EHBP1: variants seen among roughly 807,000 people sequenced by gnomAD.
The protein encoded by EHBP1 is EH domain binding protein 1.
A neutral mutation model predicts 144.0 loss-of-function variants in EHBP1; 55 were observed. The observed-to-expected ratio is 0.38, with a 90% confidence interval of 0.31 to 0.48. EHBP1 has a LOEUF of 0.48. Among genes scored for constraint, EHBP1 ranks in the 20% least tolerant of loss-of-function variants. The probability of loss-of-function intolerance (pLI) is 0.98; values close to 1 mark genes in which losing one functional copy is unlikely to be tolerated. For missense variants in EHBP1, 1,200 were observed against 1,364.2 expected, an observed-to-expected ratio of 0.88 and a Z score of 1.90; for synonymous variants, 469 against 472.7, an observed-to-expected ratio of 0.99 and a Z score of 0.10.
intron 1 of EHBP1, among the ~76,000 whole-genome samples, chr2:62,677,436 A>G (rs887013520): frequency 2.6e-5 from 4 of 152,192 alleles, no homozygotes; most frequent in Non-Finnish European, 5.9e-5. Flanking sequence ...TGCAGTGCAT[A>G]ATAATCACGT....
chr2:63,030,646 C>A (rs974193086), intron 19 of EHBP1, among the ~76,000 whole-genome samples: 13 of 151,898 alleles, frequency 8.6e-5, no homozygotes, highest in African/African-American at 3.1e-4. Context: ...CACCACCACA[C>A]CCAGCTAATT....
Position 62,986,159 on chromosome 2 carries a change from T to C in EHBP1, c.2609-4557T>C, listed in dbSNP as rs529767315. ...ATAGAATAATGCTGAGGAAGTATTC[T>C]GAACACTTTTTGACACACAGGAAAT... On this transcript the variant is annotated intron_variant, in intron 15 of 22. Transcript: ENST00000431489. Among the ~76,000 whole-genome samples the C allele has an allele frequency of 2.0e-5, 3 of 152,352 alleles. 1 individual carries two copies. The East Asian group carries it at 5.8e-4, about 29-fold the overall frequency.
chr2:62,928,879 A>C (rs2055754086), intron 10 of EHBP1, among the ~76,000 whole-genome samples: 1 of 151,932 alleles, frequency 6.6e-6, no homozygotes, highest in Non-Finnish European at 1.5e-5. Flanking sequence ...ACTTTAGTAA[A>C]ATTAGAAATT....
intron 4 of EHBP1, among the ~76,000 whole-genome samples, chr2:62,770,080 A>G (rs2152351409): frequency 6.6e-6 from 1 of 152,328 alleles, no homozygotes; most frequent in South Asian, 2.1e-4. Flanking sequence ...AGGACAACAT[A>G]GGCAATACCT....
At position 62,716,785 on chromosome 2, in the gene EHBP1, C is replaced by G. The variant is rs182229847; in HGVS notation, c.104+9490C>G. 1.6e-3 allele frequency among the ~76,000 whole-genome samples: 243 copies of G among 152,320 alleles called. 2 individuals carry two copies. The highest frequency in any genetic ancestry group is 5.7e-3 in the African/African-American group (236 of 41,560). On this transcript the variant is annotated intron_variant, in intron 2 of 22. Coordinates refer to ENST00000431489, the MANE Select transcript of EHBP1 (RefSeq NM_001142616.3). ...AGGTCCCTTTCCTCTTCCCGAGGCC[C>G]TTTGCTCCCCTGGCAACTGCCTGAA...
At chr2:62,945,881 A>G (rs2057033162) in intron 12 of EHBP1, among the ~76,000 whole-genome samples, 1 of 152,224 alleles carries the variant, frequency 6.6e-6, no homozygotes, top group Non-Finnish European at 1.5e-5. Context: ...AAAAATCAGT[A>G]TAGTTTTCTT....
intron 2 of EHBP1, among the ~76,000 whole-genome samples, chr2:62,730,224 T>G (rs2152016073): frequency 6.6e-6 from 1 of 152,240 alleles, no homozygotes; most frequent in Non-Finnish European, 1.5e-5. Context: ...CTTACATTAA[T>G]AATGACATGA....
chr2:62,815,031 T>C (rs2045335114), intron 5 of EHBP1, among the ~76,000 whole-genome samples: 1 of 152,082 alleles, frequency 6.6e-6, no homozygotes, highest in South Asian at 2.1e-4. Flanking sequence ...TCCAAAGACA[T>C]AAAACAATAA....
At chr2:63,016,050 ATTC>A (rs1559070039) in intron 19 of EHBP1, among the ~76,000 whole-genome samples, 2 of 152,186 alleles carry the variant, frequency 1.3e-5, no homozygotes, top group Non-Finnish European at 2.9e-5. Context: ...GAGTTACCCT[ATTC>A]TTCTCTACTA....
At chr2:62,906,103 C>G (rs1317689626) in intron 10 of EHBP1, among the ~76,000 whole-genome samples, 2 of 150,038 alleles carry the variant, frequency 1.3e-5, no homozygotes, top group African/African-American at 2.4e-5. Flanking sequence ...CTGTGACCCA[C>G]TTGGAGTTAA....
intron 10 of EHBP1, chr2:62,881,572 C>T (rs537999107): frequency 1.3e-5 from 2 of 152,164 alleles, no homozygotes; most frequent in African/African-American, 4.8e-5. Flanking sequence ...CTAAATCATC[C>T]TTTGACAAAT....
rs573434180 is a variant in EHBP1 at position 63,008,201 on chromosome 2, A to G, written c.3103+11435A>G. On this transcript the variant is annotated intron_variant, in intron 19 of 22. Coordinates refer to ENST00000431489, the MANE Select transcript of EHBP1 (RefSeq NM_001142616.3). Reference sequence around the variant, plus strand: ...AGCTAAAACATCCAGTGATAAGACTACTTAATAAATGTATTCTTTTAATTG... The same window carrying G: ...AGCTAAAACATCCAGTGATAAGACTGCTTAATAAATGTATTCTTTTAATTG... Among the ~76,000 whole-genome samples, 5 of 151,904 alleles carry G rather than the reference A, an allele frequency of 3.3e-5. No homozygotes were observed. The South Asian group carries it at 1.0e-3, about 31-fold the overall frequency.
chr2:62,813,966 C>T (rs2045253471), intron 5 of EHBP1, among the ~76,000 whole-genome samples: 1 of 152,126 alleles, frequency 6.6e-6, no homozygotes, highest in Non-Finnish European at 1.5e-5. Flanking sequence ...TTAGATGAGA[C>T]TCTAGACTTT....
chr2:62,933,627 C>G (rs1377103748), intron 10 of EHBP1, among the ~76,000 whole-genome samples: 2 of 152,070 alleles, frequency 1.3e-5, no homozygotes, highest in Non-Finnish European at 2.9e-5. Context: ...TGAAAAATAA[C>G]ATTTGTTAAT....
chr2:62,880,188 C>T (rs908172265), intron 10 of EHBP1, among the ~76,000 whole-genome samples: 2 of 152,072 alleles, frequency 1.3e-5, no homozygotes, highest in Admixed American at 1.3e-4. Flanking sequence ...GGACCCCTTC[C>T]TTTCACCACA....
intron 10 of EHBP1, among the ~76,000 whole-genome samples, chr2:62,886,770 C>T (rs2051967976): frequency 6.6e-6 from 1 of 152,130 alleles, no homozygotes. Context: ...TCCTACCTCC[C>T]CTGTACAAAG....
At chr2:62,709,112 G>A (rs979110962) in intron 2 of EHBP1, among the ~76,000 whole-genome samples, 5 of 152,166 alleles carry the variant, frequency 3.3e-5, no homozygotes, top group Admixed American at 3.3e-4. Flanking sequence ...AAGGTGACTG[G>A]AAGCAGCAAT....
At position 63,045,990 on chromosome 2, in the gene EHBP1, A is replaced by T. The variant is rs1022735043; in HGVS notation, c.*490A>T. 6.4e-6 allele frequency: 1 copy of T among 156,010 alleles called. No homozygotes were observed. The highest frequency in any genetic ancestry group is 1.9e-4 in the East Asian group (1 of 5,264). The allele number at this position is 156,010 out of a possible 1,614,324, so 9.7% of individuals were successfully genotyped here. On this transcript the variant is annotated 3_prime_UTR_variant, in exon 23 of 23. Coordinates refer to ENST00000431489, the MANE Select transcript of EHBP1 (RefSeq NM_001142616.3). This position sits in a 1 kb window ranked among gnomAD's most constrained non-coding sequence, Gnocchi z 5.7. ...ACACTTACTCTGTTACCTAAATTTTATAGTTAGATCATATCCAATCTACTT... is the reference window on the plus strand; with the variant it reads ...ACACTTACTCTGTTACCTAAATTTTTTAGTTAGATCATATCCAATCTACTT...
intron 8 of EHBP1, among the ~76,000 whole-genome samples, chr2:62,859,673 A>G (rs1027177236): frequency 1.3e-5 from 2 of 152,126 alleles, no homozygotes; most frequent in Admixed American, 1.3e-4. Flanking sequence ...TCTAGCCGAG[A>G]TTCTCTAGCA....
Sources: gnomAD v4.1 joint callset for allele counts (sites outside exome capture counted in the v4.1 genomes callset) on GRCh38, gnomAD v4.1.1 for gene constraint, Gnocchi (gnomAD v3.1) non-coding constraint, MANE v1.5 for transcripts, NCBI Gene and HGNC (gene_info 2026-07-23, HGNC 2026-07-21) for gene names.